The following WDR17 variants were observed in gnomAD, a reference collection of about 807,000 sequenced individuals.
WDR17 encodes the protein WD repeat-containing protein 17.
WDR17 carries 143 observed loss-of-function variants against 161.7 expected under a neutral mutation model. The observed-to-expected ratio is 0.88, with a 90% CI of 0.77 to 1.02. The LOEUF (loss-of-function observed/expected upper bound fraction) is 1.02. Among genes scored for constraint, WDR17 ranks in the 50% least tolerant of loss-of-function variants. The probability of loss-of-function intolerance (pLI) is 0.00; values close to 1 mark genes in which losing one functional copy is unlikely to be tolerated. For missense variants in WDR17, 1,469 were observed against 1,520.9 expected, an observed-to-expected ratio of 0.97 and a Z score of 0.57; for synonymous variants, 517 against 515.6, an observed-to-expected ratio of 1.00 and a Z score of -0.04.
intron 6 of WDR17, among the ~76,000 whole-genome samples, chr4:176,130,482 T>C (rs60492066): frequency 0.24 from 37,232 of 151,984 alleles, 4,695 homozygotes; most frequent in East Asian, 0.35. Flanking sequence ...CGGTGGCTCA[T>C]GCCTGTAATC....
chr4:176,096,661 G>A (rs1430148732), intron 1 of WDR17: 7 of 1,201,684 alleles, frequency 5.8e-6, no homozygotes, highest in Non-Finnish European at 8.2e-6. Flanking sequence ...TTTTATATCT[G>A]TGTCATTTAT....
intron 22 of WDR17, among the ~76,000 whole-genome samples, chr4:176,167,662 A>C (rs1178068323): frequency 2.2e-5 from 1 of 45,336 alleles, no homozygotes; most frequent in African/African-American, 5.1e-5. Context: ...AAAAAAAAAA[A>C]AAAAAAAAAA....
chr4:176,147,951 AT>A (rs1746451573), intron 12 of WDR17, among the ~76,000 whole-genome samples, 181 bp from the exon 13 acceptor site: 1 of 152,174 alleles, frequency 6.6e-6, no homozygotes, highest in African/African-American at 2.4e-5. Flanking sequence ...ATACATCAAA[AT>A]ATCACATAAA....
At chr4:176,088,133 C>A (rs943259310) in intron 1 of WDR17, among the ~76,000 whole-genome samples, 1 of 152,124 alleles carries the variant, frequency 6.6e-6, no homozygotes, top group African/African-American at 2.4e-5. Context: ...CGTGAGCCAC[C>A]ATCCCTGGCC....
intron 25 of WDR17, 92 bp downstream of exon 25, chr4:176,173,461 A>G: frequency 2.6e-6 from 2 of 762,648 alleles, no homozygotes; most frequent in African/African-American, 3.6e-5. Flanking sequence ...GGGAAATAGG[A>G]TTATCTTGGA....
At chr4:176,114,914 C>T (rs1346456192) in intron 2 of WDR17, among the ~76,000 whole-genome samples, 1 of 151,286 alleles carries the variant, frequency 6.6e-6, no homozygotes, top group South Asian at 2.1e-4. Context: ...TGGAGGTGAT[C>T]GGCTGTAATA....
chr4:176,128,616 A>T, intron 5 of WDR17, 122 bp from the exon 6 acceptor site: 1 of 943,894 alleles, frequency 1.1e-6, no homozygotes, highest in South Asian at 1.6e-5. Context: ...TATTGTTGTT[A>T]AAAGGATGTC....
In WDR17 at chr4:176,148,114, C is replaced by G. The variant is rs774389696; in HGVS notation, c.1695-19C>G. ...ATTATAACTTGAATGTTATCACACC[C>G]ATAATATTCTGTTTTCAGTACCGTT... is the stretch of plus-strand genomic sequence containing the variant. On this transcript the variant is annotated intron_variant, in intron 12 of 28. Coordinates refer to ENST00000508596, the MANE Select transcript of WDR17 (RefSeq NM_181265.4). 2.5e-6 allele frequency: 4 copies of G among 1,604,880 alleles called. No individual in the cohort carries two copies. In the Admixed American group the frequency reaches 5.0e-5, roughly 20 times the overall value.
intron 18 of WDR17, among the ~76,000 whole-genome samples, chr4:176,156,444 G>A (rs1335734703): frequency 6.6e-6 from 1 of 152,128 alleles, no homozygotes; most frequent in Non-Finnish European, 1.5e-5. Context: ...TGAAATATAA[G>A]TGGCAAGATT....
intron 26 of WDR17, among the ~76,000 whole-genome samples, chr4:176,175,852 C>G (rs1475028735): frequency 6.6e-6 from 1 of 151,774 alleles, no homozygotes; most frequent in African/African-American, 2.4e-5. Flanking sequence ...AGCCACCATG[C>G]CCGGCCGGTT....
chr4:176,157,470 T>C (rs567871924), intron 18 of WDR17, among the ~76,000 whole-genome samples: 1 of 152,224 alleles, frequency 6.6e-6, no homozygotes, highest in Non-Finnish European at 1.5e-5. Context: ...AGGCTGATTG[T>C]AGCCCTCAGA....
chr4:176,069,615 C>G (rs778020133), intron 1 of WDR17, among the ~76,000 whole-genome samples: 4 of 152,038 alleles, frequency 2.6e-5, no homozygotes, highest in Non-Finnish European at 5.9e-5. Context: ...TTTTCTTATG[C>G]TTAGGTTTAT....
chr4:176,084,647 G>A (rs1735188439), intron 1 of WDR17, among the ~76,000 whole-genome samples: 1 of 151,184 alleles, frequency 6.6e-6, no homozygotes, highest in Admixed American at 6.6e-5. Context: ...CTATCCCTAA[G>A]ATAAGATGTT....
chr4:176,158,279 C>G (rs544878557), intron 18 of WDR17, among the ~76,000 whole-genome samples: 1 of 152,026 alleles, frequency 6.6e-6, no homozygotes. Context: ...ACAGCAGTAG[C>G]GTGGACGCCA....
chr4:176,112,759 T>C (rs1377636291), intron 2 of WDR17, among the ~76,000 whole-genome samples: 3 of 152,168 alleles, frequency 2.0e-5, no homozygotes, highest in African/African-American at 7.2e-5. Context: ...TTCCCATCTT[T>C]TAATTCTCAC....
At chr4:176,143,908 T>C (rs1745724849) in intron 11 of WDR17, among the ~76,000 whole-genome samples, 1 of 152,120 alleles carries the variant, frequency 6.6e-6, no homozygotes, top group Non-Finnish European at 1.5e-5. Flanking sequence ...TGCTTAAATC[T>C]TTCAATACTT....
chr4:176,179,306 C>T (rs1311088787), intron 28 of WDR17, among the ~76,000 whole-genome samples, 154 bp from the exon 29 acceptor site: 1 of 151,898 alleles, frequency 6.6e-6, no homozygotes, highest in African/African-American at 2.4e-5. Flanking sequence ...GGGTCCAGCT[C>T]AAAAAAACTA....
chr4:176,091,073 C>T (rs1043582774), intron 1 of WDR17, among the ~76,000 whole-genome samples: 5 of 152,170 alleles, frequency 3.3e-5, no homozygotes, highest in South Asian at 2.1e-4. Flanking sequence ...AAGCATGTCA[C>T]GGTGCTGCAG....
intron 1 of WDR17, among the ~76,000 whole-genome samples, chr4:176,108,292 G>A (rs765628410): frequency 1.3e-5 from 2 of 152,080 alleles, no homozygotes; most frequent in Non-Finnish European, 2.9e-5. Context: ...CAAACTAAAT[G>A]TATATTACTA....
Sources: allele counts gnomAD v4.1 joint callset (sites outside exome capture counted in the v4.1 genomes callset), GRCh38; gene constraint gnomAD v4.1.1; transcripts MANE v1.5; gene names NCBI Gene and HGNC (gene_info 2026-07-23, HGNC 2026-07-21).